The following LRRC4C variants were observed in gnomAD, a reference collection of about 807,000 sequenced individuals.
LRRC4C encodes leucine rich repeat containing 4C, also known as leucine-rich repeat-containing protein 4C.
Under a neutral mutation model 33.6 loss-of-function variants are expected in LRRC4C, and 5 were observed. That is an observed-to-expected ratio of 0.15 (90% CI 0.08 to 0.31). LRRC4C has a LOEUF of 0.31. LRRC4C is among the 10% of genes least tolerant of loss of function. The pLI is 1.00. For synonymous variants in LRRC4C, 329 were observed against 302.0 expected (o/e 1.09, Z -0.93); for missense variants, 560 against 796.7 (o/e 0.70, Z 3.58).
chr11:41,431,449 G>A (rs1241514948), intron 1 of LRRC4C, among the ~76,000 whole-genome samples: 2 of 151,880 alleles, frequency 1.3e-5, no homozygotes, highest in Non-Finnish European at 2.9e-5. Context: ...CACCAATGTA[G>A]GTATAATGTG....
intron 5 of LRRC4C, among the ~76,000 whole-genome samples, chr11:40,183,682 G>T (rs1460507623): frequency 1.3e-5 from 2 of 152,178 alleles, no homozygotes; most frequent in Non-Finnish European, 1.5e-5. Context: ...AAAAGGTTGA[G>T]CTAACAAGAG....
chr11:40,814,214 A>G (rs559932543), intron 2 of LRRC4C, among the ~76,000 whole-genome samples: 2 of 152,236 alleles, frequency 1.3e-5, no homozygotes, highest in African/African-American at 4.8e-5. Flanking sequence ...ATTTCCATAC[A>G]TCTTCTGAAA....
At chr11:41,399,697 AT>A (rs1365905931) in intron 1 of LRRC4C, among the ~76,000 whole-genome samples, 3 of 151,806 alleles carry the variant, frequency 2.0e-5, no homozygotes, top group East Asian at 3.9e-4. Flanking sequence ...CACACTAAGG[AT>A]TTTTTTTCCT....
At chr11:40,595,153 A>G (rs1293470804) in intron 3 of LRRC4C, among the ~76,000 whole-genome samples, 1 of 152,090 alleles carries the variant, frequency 6.6e-6, no homozygotes, top group South Asian at 2.1e-4. Context: ...AACTTTATTT[A>G]TGGTGCTCAA....
intron 2 of LRRC4C, among the ~76,000 whole-genome samples, chr11:40,858,028 G>A (rs1007601570): frequency 3.6e-5 from 5 of 140,272 alleles, no homozygotes; most frequent in African/African-American, 1.4e-4. Flanking sequence ...GAAGGGAAGG[G>A]AAGGGAAGGG....
intron 1 of LRRC4C, among the ~76,000 whole-genome samples, chr11:41,315,266 G>A (rs555708488): frequency 5.9e-5 from 9 of 152,230 alleles, no homozygotes; most frequent in Middle Eastern, 3.4e-3. Context: ...CCCAATGATC[G>A]TCATCTTCTG....
At chr11:40,772,959 T>C (rs1949821715) in intron 2 of LRRC4C, among the ~76,000 whole-genome samples, 1 of 152,124 alleles carries the variant, frequency 6.6e-6, no homozygotes, top group African/African-American at 2.4e-5. Context: ...TAAGTGTCCA[T>C]CAACAGATGA....
chr11:40,879,100 T>C (rs1297688699), intron 2 of LRRC4C, among the ~76,000 whole-genome samples: 1 of 152,202 alleles, frequency 6.6e-6, no homozygotes, highest in Admixed American at 6.5e-5. Flanking sequence ...GTACAGTGCC[T>C]TGAACAGTCA....
At chr11:40,718,944 C>A (rs537916297) in intron 2 of LRRC4C, among the ~76,000 whole-genome samples, 1 of 152,188 alleles carries the variant, frequency 6.6e-6, no homozygotes, top group African/African-American at 2.4e-5. Context: ...GAAGAAGAAA[C>A]CAGGACTAAA....
At chr11:41,170,491 A>C (rs544899755) in intron 1 of LRRC4C, among the ~76,000 whole-genome samples, 1 of 152,344 alleles carries the variant, frequency 6.6e-6, no homozygotes, top group East Asian at 1.9e-4. Flanking sequence ...CCTGACAAAA[A>C]CAAGAAATGG....
At chr11:40,651,337 T>C (rs1166095295) in intron 2 of LRRC4C, among the ~76,000 whole-genome samples, 1 of 150,294 alleles carries the variant, frequency 6.7e-6, no homozygotes, top group East Asian at 2.0e-4. Context: ...GTAGAACTAA[T>C]TAAAAAGAGA....
intron 6 of LRRC4C, among the ~76,000 whole-genome samples, chr11:40,131,070 T>A (rs1043497705): frequency 2.0e-5 from 3 of 152,200 alleles, no homozygotes; most frequent in African/African-American, 7.2e-5. Context: ...TATTTCTTCA[T>A]AAGTTTTCTC....
intron 3 of LRRC4C, among the ~76,000 whole-genome samples, chr11:40,427,546 G>C (rs1950762021): frequency 6.6e-6 from 1 of 152,056 alleles, no homozygotes; most frequent in Admixed American, 6.6e-5. Flanking sequence ...TTCTCAGGTA[G>C]GCCAGGCACA....
At chr11:40,231,397 T>C (rs1865186592) in intron 5 of LRRC4C, among the ~76,000 whole-genome samples, 1 of 152,168 alleles carries the variant, frequency 6.6e-6, no homozygotes, top group Non-Finnish European at 1.5e-5. Flanking sequence ...GCTAATATAG[T>C]GTATAGATAT....
chr11:40,827,922 G>A (rs764706488), intron 2 of LRRC4C, among the ~76,000 whole-genome samples: 1 of 151,572 alleles, frequency 6.6e-6, no homozygotes, highest in Non-Finnish European at 1.5e-5. Flanking sequence ...TAGAAAAGAC[G>A]AACAGGTGCT....
intron 1 of LRRC4C, among the ~76,000 whole-genome samples, chr11:40,988,713 C>CTTTTTT (rs869034558): frequency 4.2e-4 from 24 of 57,736 alleles, no homozygotes; most frequent in Non-Finnish European, 5.0e-4. Context: ...CTTTTCTTTT[C>CTTTTTT]TTTTTTTTTT....
intron 1 of LRRC4C, among the ~76,000 whole-genome samples, chr11:41,382,046 T>C (rs1487157234): frequency 9.2e-5 from 14 of 151,858 alleles, no homozygotes. Context: ...CTGTTAGATA[T>C]GAAAGACAGA....
rs145155270 is a variant in LRRC4C at position 41,100,734 on chromosome 11, T to C, written c.-495-167011A>G. Among the ~76,000 whole-genome samples the C allele has an allele frequency of 3.4e-3, 513 of 152,132 alleles. 2 individuals carry two copies. The highest frequency in any genetic ancestry group is 0.011 in the African/African-American group (471 of 41,518). ...ACCAAAAAGGAGCATGAATAGCCAATGAAATCCTAAGCAAAAAGAACAAAG... is the reference window on the plus strand; with the variant it reads ...ACCAAAAAGGAGCATGAATAGCCAACGAAATCCTAAGCAAAAAGAACAAAG... On this transcript the variant is annotated intron_variant, in intron 1 of 6. Coordinates refer to ENST00000528697, the MANE Select transcript of LRRC4C (RefSeq NM_001258419.2).
chr11:40,475,766 T>G (rs1345093602), intron 3 of LRRC4C, among the ~76,000 whole-genome samples: 1 of 152,112 alleles, frequency 6.6e-6, no homozygotes. Context: ...TGCTCCAACT[T>G]TCCTCTTCTT....
Sources: allele counts gnomAD v4.1 joint callset (sites outside exome capture counted in the v4.1 genomes callset), GRCh38; gene constraint gnomAD v4.1.1; transcripts MANE v1.5; gene names NCBI Gene and HGNC (gene_info 2026-07-23, HGNC 2026-07-21).